RESF1: variants seen among roughly 807,000 people sequenced by gnomAD.
The protein encoded by RESF1 is gonad expressed transcript.
In RESF1, 65 loss-of-function variants were observed where a neutral mutation model predicts 134.7. The observed-to-expected ratio is 0.48, with a 90% confidence interval of 0.40 to 0.59. The LOEUF is 0.59. Among genes scored for constraint, RESF1 ranks in the 20% least tolerant of loss-of-function variants. RESF1 has a pLI of 0.00. For missense variants in RESF1, 2,274 were observed against 2,002.7 expected (o/e 1.14, Z -2.59); for synonymous variants, 762 against 702.2 (o/e 1.09, Z -1.35).
Position 31,959,450 on chromosome 12 carries a change from G to T in RESF1, c.-383G>T. On this transcript the variant is annotated 5_prime_UTR_variant, in exon 1 of 6. Transcript: ENST00000312561. ...AACTCTGGGGCCCGGGAGGCCGCCG[G>T]TTTTCTCCCCGCTTGCCGGGGTGGT... The T allele has an allele frequency of 6.6e-6, 1 of 152,412 alleles. No homozygotes were observed. Among genetic ancestry groups the T allele is most frequent in the Non-Finnish European group, 1.5e-5 (1 of 68,204 alleles). 9.4% of individuals were successfully genotyped at this position (152,412 alleles called of 1,614,324 possible). A position where few individuals can be genotyped will look rare whatever the true frequency, so the allele number is the denominator to read the frequency against.
chr12:31,992,259 T>A, intron 5 of RESF1, 119 bp from the exon 6 acceptor site: 1 of 844,030 alleles, frequency 1.2e-6, no homozygotes, highest in African/African-American at 1.7e-5. Context: ...AAACTTTTGC[T>A]TAACTCCTTG....
rs1264668703 is a variant in RESF1 at position 31,980,899 on chromosome 12, G to C, written c.-57G>C. The stretch of plus-strand genomic sequence containing the variant: ...ACAGATTCCTGACATTCAGACAACT[G>C]ACTTGTAACTGACTTATAACTGACT... On this transcript the variant is annotated 5_prime_UTR_variant, in exon 4 of 6. Coordinates refer to ENST00000312561, the MANE Select transcript of RESF1 (RefSeq NM_018169.4). The C allele has an allele frequency of 3.9e-6, 5 of 1,276,422 alleles. No individual in the cohort carries two copies. Among genetic ancestry groups the C allele is most frequent in the Non-Finnish European group, 5.4e-6 (5 of 920,258 alleles). 79.1% of individuals were successfully genotyped at this position (1,276,422 alleles called of 1,614,324 possible). A position where few individuals can be genotyped will look rare whatever the true frequency, so the allele number is the denominator to read the frequency against.
intron 2 of RESF1, 131 bp downstream of exon 2, chr12:31,961,002 CTG>C (rs1939253557): frequency 6.6e-6 from 1 of 152,174 alleles, no homozygotes; most frequent in South Asian, 2.1e-4. Flanking sequence ...TTAAATTAAA[CTG>C]TGGGTCACAA....
chr12:31,980,777 C>G, intron 3 of RESF1, 101 bp from the exon 4 acceptor site: 1 of 536,848 alleles, frequency 1.9e-6, no homozygotes, highest in Non-Finnish European at 3.2e-6. Context: ...TGAGGCTGCT[C>G]TGAAGATTCA....
Position 31,982,492 on chromosome 12 carries a change from C to T in RESF1, c.1537C>T (p.Arg513Trp), listed in dbSNP as rs146592039. ...ACCAAATCCTGTCTATTCTGAAAAG[C>T]GGCCAATGCCAGACTCATCTCATGA... Reference protein sequence around the residue: ...VLPNPVYSEKRPMPDSSHDVK... With the variant: ...VLPNPVYSEKWPMPDSSHDVK... The change falls in exon 4 of 6, where the codon CGG (arginine) becomes TGG (tryptophan). Residue 513 changes from arginine to tryptophan, a missense_variant. By Grantham distance (101) the Arg-to-Trp change is moderately radical (BLOSUM62 -3). Transcript: ENST00000312561. 3.0e-5 allele frequency: 48 copies of T among 1,613,400 alleles called. No homozygotes were observed. Among genetic ancestry groups the T allele is most frequent in the East Asian group, 8.9e-5 (4 of 44,888 alleles).
At chr12:31,965,722 C>T (rs916454738) in intron 2 of RESF1, among the ~76,000 whole-genome samples, 1 of 152,076 alleles carries the variant, frequency 6.6e-6, no homozygotes, top group Non-Finnish European at 1.5e-5. Context: ...GAAAAGCCAT[C>T]TCTACTAAAA....
chr12:31,983,232 G>C lies in RESF1; in HGVS notation c.2277G>C (p.Gln759His), dbSNP rs756855377. ...ATATAACAAAGGGAACAGAACTTCA[G>C]ATAGCTGTAGTGTCACCGTTAGTTC... ...GINITKGTELQIAVVSPLVLS... is the reference protein window; with the variant it reads ...GINITKGTELHIAVVSPLVLS... The change falls in exon 4 of 6, where the codon CAG (glutamine) becomes CAC (histidine). Residue 759 changes from glutamine to histidine, a missense_variant. Physicochemically the swap from Gln to His is conservative, Grantham distance 24 (BLOSUM62 0). Coordinates refer to ENST00000312561, the MANE Select transcript of RESF1 (RefSeq NM_018169.4). The C allele has an allele frequency of 6.2e-7, 1 of 1,609,600 alleles. No homozygotes were observed. Among genetic ancestry groups the C allele is most frequent in the Non-Finnish European group, 8.5e-7 (1 of 1,178,156 alleles).
At chr12:31,987,502 TGAAA>T (rs1394442558) in intron 5 of RESF1, among the ~76,000 whole-genome samples, 180 bp downstream of exon 5, 24 of 152,130 alleles carry the variant, frequency 1.6e-4, no homozygotes, top group African/African-American at 5.8e-4. Flanking sequence ...TGCTGTGGAA[TGAAA>T]GGCTGAGCTT....
At chr12:31,977,209 T>C (rs1282070265) in intron 3 of RESF1, among the ~76,000 whole-genome samples, 2 of 152,186 alleles carry the variant, frequency 1.3e-5, no homozygotes, top group Non-Finnish European at 2.9e-5. Flanking sequence ...AGATGGAGTT[T>C]CGCTTTTGTT....
At position 31,982,743 on chromosome 12, in the gene RESF1, G is replaced by A. The variant is rs1323294074; in HGVS notation, c.1788G>A (p.Lys596=). The change falls in exon 4 of 6, where the codon AAG becomes AAA. Residue 596 remains lysine (K), a synonymous_variant. Coordinates refer to ENST00000312561, the MANE Select transcript of RESF1 (RefSeq NM_018169.4). ...TTTCACAGGCACGTAAGACTCAGAA[G>A]ACAGTATTAAAAGATGCTAATCAAA... ...ALLSQARKTQ[K]TVLKDANQTI... is the part of the protein sequence containing the mutation. 3 of 1,613,864 alleles carry A rather than the reference G, an allele frequency of 1.9e-6. No individual in the cohort carries two copies. The African/African-American group carries it at 4.0e-5, about 22-fold the overall frequency.
At position 31,962,754 on chromosome 12, in the gene RESF1, T is replaced by G. The variant is rs541741872; in HGVS notation, c.-247+1883T>G. On this transcript the variant is annotated intron_variant, in intron 2 of 5. Coordinates refer to ENST00000312561, the MANE Select transcript of RESF1 (RefSeq NM_018169.4). ...AGAAACAGAAACCATAAGGTGATTA[T>G]TATTTTTCAAGCCCCAAAGGAGAAT... 1.9e-4 allele frequency among the ~76,000 whole-genome samples: 29 copies of G among 152,354 alleles called. No homozygotes were observed. In the South Asian group the frequency reaches 2.5e-3, roughly 13 times the overall value.
intron 5 of RESF1, among the ~76,000 whole-genome samples, chr12:31,989,171 C>T (rs550189700): frequency 7.4e-4 from 112 of 150,362 alleles, no homozygotes; most frequent in Non-Finnish European, 1.3e-3. Context: ...CCGAGGCAGG[C>T]GGATCATGAG....
intron 4 of RESF1, 77 bp downstream of exon 4, chr12:31,986,034 T>G: frequency 1.1e-6 from 1 of 920,760 alleles, no homozygotes; most frequent in East Asian, 3.3e-5. Context: ...GCACCTCTCA[T>G]GCTGTCTTGG....
At position 31,983,172 on chromosome 12, in the gene RESF1, G is replaced by C. The variant is rs773454747; in HGVS notation, c.2217G>C (p.Ser739=). The C allele has an allele frequency of 6.2e-7, 1 of 1,611,518 alleles. No homozygotes were observed. The highest frequency in any genetic ancestry group is 1.1e-5 in the South Asian group (1 of 90,666). Residue 739 remains serine (S), a synonymous_variant, in exon 4 of 6, where the codon TCG becomes TCC. Transcript: ENST00000312561. Reference sequence around the variant, plus strand: ...ATCCCTCACAGCAGACAGCTTTGTCGATGGTAATGCACAATTATGAGTCTT... The same window carrying C: ...ATCCCTCACAGCAGACAGCTTTGTCCATGGTAATGCACAATTATGAGTCTT... ...ISNPSQQTAL[S]MVMHNYESSG...
chr12:31,980,828 T>G, intron 3 of RESF1, 50 bp from the exon 4 acceptor site: 1 of 688,980 alleles, frequency 1.5e-6, no homozygotes, highest in East Asian at 2.9e-5. Context: ...TTCTTAGATA[T>G]TCTATCTAGG....
intron 3 of RESF1, among the ~76,000 whole-genome samples, chr12:31,972,349 G>A (rs919563145): frequency 2.0e-5 from 3 of 151,988 alleles, no homozygotes; most frequent in African/African-American, 7.3e-5. Context: ...GCTCACGCCT[G>A]TAATCCCAGC....
intron 5 of RESF1, among the ~76,000 whole-genome samples, chr12:31,987,986 C>T (rs747405003): frequency 3.3e-5 from 5 of 152,242 alleles, no homozygotes; most frequent in East Asian, 1.9e-4. Context: ...CCACCTGCCT[C>T]GGCCTCCCAA....
intron 5 of RESF1, among the ~76,000 whole-genome samples, chr12:31,989,428 G>A (rs980483675): frequency 6.7e-6 from 1 of 148,882 alleles, no homozygotes; most frequent in African/African-American, 2.5e-5. Flanking sequence ...GGCAAAGAGG[G>A]GTTCAGAGCC....
At position 31,985,008 on chromosome 12, in the gene RESF1, T is replaced by G; in HGVS notation, c.4053T>G (p.Ser1351Arg). 1 of 1,604,824 alleles carries G rather than the reference T, an allele frequency of 6.2e-7. No homozygotes were observed. Among genetic ancestry groups the G allele is most frequent in the Non-Finnish European group, 8.5e-7 (1 of 1,177,902 alleles). The change falls in exon 4 of 6, where the codon AGT becomes AGG. Residue 1351 changes from serine (S) to arginine (R), a missense_variant. Physicochemically the swap from Ser to Arg is moderately radical, Grantham distance 110. Coordinates refer to ENST00000312561, the MANE Select transcript of RESF1 (RefSeq NM_018169.4). ...ATAAAGATGTGTATAAGAAGCATAG[T>G]TCTTTGGGACAGTCATTATCACCAG... ...LPNKDVYKKH[S>R]SLGQSLSPEK...
Sources: gnomAD v4.1 joint callset for allele counts (sites outside exome capture counted in the v4.1 genomes callset) on GRCh38, gnomAD v4.1.1 for gene constraint, MANE v1.5 for transcripts, NCBI Gene and HGNC (gene_info 2026-07-23, HGNC 2026-07-21) for gene names.